ROCK2: variants seen among roughly 807,000 people sequenced by gnomAD.
ROCK2 encodes the protein Rho associated coiled-coil containing protein kinase 2.
Under a neutral mutation model 195.1 loss-of-function variants are expected in ROCK2, and 61 were observed. The observed-to-expected ratio is 0.31, with a 90% confidence interval of 0.25 to 0.39. The LOEUF is 0.39. ROCK2 is among the 10% of genes least tolerant of loss of function. The probability of loss-of-function intolerance (pLI) is 1.00; values close to 1 mark genes in which losing one functional copy is unlikely to be tolerated. For missense variants in ROCK2, 1,109 were observed against 1,637.4 expected (o/e 0.68, Z 5.57); for synonymous variants, 504 against 545.5 (o/e 0.92, Z 1.06).
chr2:11,261,585 G>A (rs915519777), intron 3 of ROCK2, among the ~76,000 whole-genome samples: 2 of 152,202 alleles, frequency 1.3e-5, no homozygotes, highest in African/African-American at 4.8e-5. Context: ...TTGGGAGGCT[G>A]AGGCGGGTGG....
chr2:11,194,180 A>G (rs1197749365), intron 29 of ROCK2, 76 bp downstream of exon 29: 1 of 586,578 alleles, frequency 1.7e-6, no homozygotes, highest in Non-Finnish European at 2.9e-6. Flanking sequence ...CTATACTATG[A>G]GACTAATAAA....
intron 32 of ROCK2, among the ~76,000 whole-genome samples, chr2:11,190,572 GAAA>G (rs35012327): frequency 6.6e-6 from 1 of 151,718 alleles, no homozygotes; most frequent in African/African-American, 2.4e-5. Context: ...TAGCACAAAA[GAAA>G]AAAATGTATC....
In ROCK2 at chr2:11,192,926, A is replaced by G. The variant is rs906703089; in HGVS notation, c.3688-214T>C. ...GACAGTCACTTTGGTTTGCATTTCAAAAGAACTGATCCTGTTCAAATGCTG... is the reference window on the plus strand; with the variant it reads ...GACAGTCACTTTGGTTTGCATTTCAGAAGAACTGATCCTGTTCAAATGCTG... On this transcript the variant is annotated intron_variant, in intron 30 of 32. Coordinates refer to ENST00000315872, the MANE Select transcript of ROCK2 (RefSeq NM_004850.5). The surrounding 1 kb of genome is among the most constrained non-coding windows in gnomAD (Gnocchi z 5.0). Among the ~76,000 whole-genome samples, 1 of 152,370 alleles carries G rather than the reference A, an allele frequency of 6.6e-6. No individual in the cohort carries two copies. Among genetic ancestry groups the G allele is most frequent in the Admixed American group, 6.5e-5 (1 of 15,302 alleles).
At chr2:11,291,773 G>A (rs556479548) in intron 1 of ROCK2, among the ~76,000 whole-genome samples, 5 of 152,216 alleles carry the variant, frequency 3.3e-5, no homozygotes, top group Non-Finnish European at 5.9e-5. Flanking sequence ...AGTATTTAAA[G>A]CTATAAAACT....
rs1250272801 is a variant in ROCK2, at chr2:11,344,341, G to GGCCCT, written c.-206_-205insAGGGC. On this transcript the variant is annotated 5_prime_UTR_variant, in exon 1 of 33. Coordinates refer to ENST00000315872, the MANE Select transcript of ROCK2 (RefSeq NM_004850.5). This position sits in a 1 kb window ranked among gnomAD's most constrained non-coding sequence, Gnocchi z 5.4. ...CGCCCGGCCCAGCCCGGCCCAGCCC[G>GGCCCT]GCCCGGCCCTGCCGGGAGCGGCGGG... 1 of 1,125,654 alleles carries GGCCCT rather than the reference G, an allele frequency of 8.9e-7. No individual in the cohort carries two copies. The highest frequency in any genetic ancestry group is 1.1e-6 in the Non-Finnish European group (1 of 904,284). The allele number at this position is 1,125,654 out of a possible 1,614,324, so 69.7% of individuals were successfully genotyped here. A position where few individuals can be genotyped will look rare whatever the true frequency, so the allele number is the denominator to read the frequency against.
chr2:11,187,028 G>C (rs1663225185), intron 32 of ROCK2, among the ~76,000 whole-genome samples: 1 of 152,194 alleles, frequency 6.6e-6, no homozygotes, highest in Non-Finnish European at 1.5e-5. Context: ...TATTGTCAAA[G>C]ATGCTTTGGA....
chr2:11,212,268 G>A (rs777203348), intron 17 of ROCK2, among the ~76,000 whole-genome samples: 4 of 151,736 alleles, frequency 2.6e-5, no homozygotes, highest in African/African-American at 4.8e-5. Flanking sequence ...TTCCCCTCCC[G>A]TCTTCACTCA....
intron 4 of ROCK2, among the ~76,000 whole-genome samples, chr2:11,248,587 T>C (rs979832639): frequency 4.0e-5 from 6 of 151,350 alleles, no homozygotes; most frequent in African/African-American, 1.5e-4. Context: ...CAGATGCCTG[T>C]AGTCCCAGCT....
chr2:11,184,694 AT>A, intron 32 of ROCK2: 1 of 983,986 alleles, frequency 1.0e-6, no homozygotes, highest in Non-Finnish European at 1.2e-6. Context: ...AATCAAAAAC[AT>A]CGTCATCATC....
intron 3 of ROCK2, among the ~76,000 whole-genome samples, chr2:11,268,910 T>A (rs762090479): frequency 2.8e-4 from 43 of 152,348 alleles, no homozygotes; most frequent in Middle Eastern, 3.4e-3. Flanking sequence ...TCTATTTGAA[T>A]GTGTCCTACT....
At chr2:11,248,700 C>G (rs1398826243) in intron 4 of ROCK2, among the ~76,000 whole-genome samples, 1 of 55,144 alleles carries the variant, frequency 1.8e-5, no homozygotes, top group Non-Finnish European at 2.9e-5. Context: ...CAGAGCAAGA[C>G]TTCATCTCAA....
chr2:11,298,165 C>A (rs1667594994), intron 1 of ROCK2, among the ~76,000 whole-genome samples: 1 of 151,924 alleles, frequency 6.6e-6, no homozygotes, highest in African/African-American at 2.4e-5. Flanking sequence ...TAATAATGAA[C>A]TTACTGACAA....
intron 1 of ROCK2, among the ~76,000 whole-genome samples, chr2:11,334,381 C>A (rs1668857663): frequency 6.6e-6 from 1 of 151,834 alleles, no homozygotes; most frequent in African/African-American, 2.4e-5. Context: ...CGTGGTGGTG[C>A]ACACCTGTAG....
intron 3 of ROCK2, among the ~76,000 whole-genome samples, chr2:11,251,721 C>A (rs1333352026): frequency 2.0e-5 from 3 of 152,148 alleles, no homozygotes; most frequent in Admixed American, 1.3e-4. Context: ...TCAGAGTGAA[C>A]AGGCAACCTA....
At position 11,194,991 on chromosome 2, in the gene ROCK2, T is replaced by C. The variant is rs1387174787; in HGVS notation, c.3483A>G (p.Val1161=). The change falls in exon 28 of 33, where the codon GTA becomes GTG. Residue 1161 remains valine (V), a synonymous_variant. Transcript: ENST00000315872. ...ATCCAAATTTCTTAGTGTTGTTTCG[T>C]ACAGGCAATGAAAGCCATCCTTCTA... ...SRLEGWLSLP[V]RNNTKKFGWV... is the part of the protein sequence containing the mutation. The C allele has an allele frequency of 6.3e-7, 1 of 1,586,102 alleles. No homozygotes were observed. The highest frequency in any genetic ancestry group is 8.6e-7 in the Non-Finnish European group (1 of 1,164,942).
intron 4 of ROCK2, among the ~76,000 whole-genome samples, chr2:11,237,560 C>CA (rs542198031): frequency 8.7e-4 from 132 of 152,124 alleles, no homozygotes; most frequent in Admixed American, 1.5e-3. Flanking sequence ...ATCCTGTTTC[C>CA]AAAAAATGCC....
Position 11,193,782 on chromosome 2 carries a change from G to T in ROCK2, c.3684C>A (p.Phe1228Leu). 6.4e-7 allele frequency: 1 copy of T among 1,571,292 alleles called. No individual in the cohort carries two copies. The highest frequency in any genetic ancestry group is 8.7e-7 in the Non-Finnish European group (1 of 1,152,412). ...RADAKEIPRIFQILYANEGES... is the reference protein window; with the variant it reads ...RADAKEIPRILQILYANEGES... ...ATATAAACAAAACTATGTTTACCTG[G>T]AATATCCTTGGAATTTCTTTAGCAT... is the stretch of plus-strand genomic sequence containing the variant. Residue 1228 changes from phenylalanine to leucine, a missense_variant, in exon 30 of 33, where the codon TTC (phenylalanine) becomes TTA (leucine). Phe to Leu is a conservative substitution (Grantham distance 22, BLOSUM62 0). Around this residue, in one of 6 missense-constraint regions of ROCK2, gnomAD observed 221 missense variants for 355.1 expected, o/e 0.62. Coordinates refer to ENST00000315872, the MANE Select transcript of ROCK2 (RefSeq NM_004850.5).
chr2:11,335,655 A>T (rs1159182311), intron 1 of ROCK2, among the ~76,000 whole-genome samples: 1 of 152,178 alleles, frequency 6.6e-6, no homozygotes, highest in Admixed American at 6.5e-5. Context: ...CCACTCTCCA[A>T]ATAGAAAGTA....
chr2:11,218,901 T>G, intron 10 of ROCK2, 65 bp downstream of exon 10: 1 of 921,462 alleles, frequency 1.1e-6, no homozygotes. Context: ...TTTAAAAACA[T>G]GGGGATTACT....
Sources: gnomAD v4.1 joint callset for allele counts (sites outside exome capture counted in the v4.1 genomes callset) on GRCh38, gnomAD v4.1.1 for gene constraint, gnomAD v4.1.1 regional missense constraint, Gnocchi (gnomAD v3.1) non-coding constraint, MANE v1.5 for transcripts, NCBI Gene and HGNC (gene_info 2026-07-23, HGNC 2026-07-21) for gene names.